PRKAG2: variants seen among roughly 807,000 people sequenced by gnomAD.
PRKAG2 encodes protein kinase AMP-activated non-catalytic subunit gamma 2.
PRKAG2 carries 26 observed loss-of-function variants against 69.6 expected under a neutral mutation model. The ratio of observed to expected loss-of-function variants is 0.37; its 90% confidence interval spans 0.27 to 0.52. The LOEUF is 0.52. Among genes scored for constraint, PRKAG2 ranks in the 20% least tolerant of loss-of-function variants. The pLI, the probability that PRKAG2 is intolerant of heterozygous loss-of-function variation, is 0.90. For missense variants in PRKAG2, 557 were observed against 740.0 expected, an observed-to-expected ratio of 0.75 and a Z score of 2.87; for synonymous variants, 293 against 285.0, an observed-to-expected ratio of 1.03 and a Z score of -0.28.
At chr7:151,697,601 T>C (rs1415038831) in intron 3 of PRKAG2, among the ~76,000 whole-genome samples, 2 of 152,048 alleles carry the variant, frequency 1.3e-5, no homozygotes, top group Admixed American at 1.3e-4. Context: ...CATGACAGGG[T>C]GCCTCCAATC....
chr7:151,776,064 A>T (rs1195878768), intron 3 of PRKAG2, among the ~76,000 whole-genome samples: 1 of 152,216 alleles, frequency 6.6e-6, no homozygotes, highest in African/African-American at 2.4e-5. Flanking sequence ...CACAGCACAG[A>T]GACCTGGAGC....
intron 4 of PRKAG2, among the ~76,000 whole-genome samples, chr7:151,672,073 C>T (rs1229603898): frequency 1.3e-5 from 2 of 149,450 alleles, no homozygotes; most frequent in African/African-American, 2.5e-5. Flanking sequence ...CCTGGGATTA[C>T]AGGCGTGAGC....
chr7:151,730,056 T>C (rs1260860168), intron 3 of PRKAG2, among the ~76,000 whole-genome samples: 1 of 152,172 alleles, frequency 6.6e-6, no homozygotes, highest in Non-Finnish European at 1.5e-5. Context: ...GAAGAGACAG[T>C]TTCAGCTGTG....
At chr7:151,645,145 G>A (rs117387311) in intron 4 of PRKAG2, among the ~76,000 whole-genome samples, 50 of 152,268 alleles carry the variant, frequency 3.3e-4, no homozygotes, top group Admixed American at 5.9e-4. Context: ...AGGACCTAGT[G>A]ACTTACTTCT....
intron 3 of PRKAG2, among the ~76,000 whole-genome samples, chr7:151,741,339 T>G (rs2073877038): frequency 6.6e-6 from 1 of 152,298 alleles, no homozygotes; most frequent in Admixed American, 6.5e-5. Context: ...AGGTTTTGTT[T>G]CAGCCAGTGT....
chr7:151,800,702 G>C (rs2077793786), intron 1 of PRKAG2, among the ~76,000 whole-genome samples: 1 of 152,216 alleles, frequency 6.6e-6, no homozygotes. Flanking sequence ...GTGCACAGGG[G>C]ATTTCTAGGG....
chr7:151,602,326 T>C (rs59950752), intron 5 of PRKAG2, among the ~76,000 whole-genome samples: 6,836 of 152,212 alleles, frequency 0.045, 496 homozygotes, highest in African/African-American at 0.16. Context: ...AGAAAGGAAA[T>C]CTCAGAAGAT....
chr7:151,821,663 A>C (rs1475525919), intron 1 of PRKAG2, among the ~76,000 whole-genome samples: 1 of 152,180 alleles, frequency 6.6e-6, no homozygotes, highest in Non-Finnish European at 1.5e-5. Flanking sequence ...AGTCCTCTCT[A>C]AGACACATTG....
chr7:151,628,070 C>G (rs1823451829), intron 5 of PRKAG2, among the ~76,000 whole-genome samples: 1 of 152,178 alleles, frequency 6.6e-6, no homozygotes. Flanking sequence ...GACAGTCAGT[C>G]TGGCAAGACA....
At chr7:151,689,577 G>A (rs1342759222) in intron 3 of PRKAG2, among the ~76,000 whole-genome samples, 4 of 152,194 alleles carry the variant, frequency 2.6e-5, no homozygotes, top group African/African-American at 9.6e-5. Context: ...CGGGGATGGG[G>A]AGACCGTCTG....
intron 4 of PRKAG2, among the ~76,000 whole-genome samples, chr7:151,665,059 G>A (rs898577233): frequency 1.3e-5 from 2 of 152,194 alleles, no homozygotes; most frequent in African/African-American, 2.4e-5. Context: ...TATTTCATCT[G>A]TTAGTTTTGC....
chr7:151,792,854 G>A (rs940136312), intron 1 of PRKAG2, among the ~76,000 whole-genome samples: 3 of 152,176 alleles, frequency 2.0e-5, no homozygotes, highest in Non-Finnish European at 4.4e-5. Flanking sequence ...TGGGCCTTGC[G>A]TCCGCCGAGG....
chr7:151,794,396 C>T (rs1421912975), intron 1 of PRKAG2, among the ~76,000 whole-genome samples: 1 of 152,270 alleles, frequency 6.6e-6, no homozygotes, highest in African/African-American at 2.4e-5. Flanking sequence ...CAGGAACCTC[C>T]ACTTTCCAGT....
chr7:151,589,839 G>A (rs1585079323), intron 6 of PRKAG2, among the ~76,000 whole-genome samples: 1 of 152,210 alleles, frequency 6.6e-6, no homozygotes, highest in Non-Finnish European at 1.5e-5. Flanking sequence ...GGTGGGTGAG[G>A]CACAAGAATT....
chr7:151,619,803 C>T (rs1821031582), intron 5 of PRKAG2, among the ~76,000 whole-genome samples: 1 of 152,054 alleles, frequency 6.6e-6, no homozygotes, highest in Non-Finnish European at 1.5e-5. Flanking sequence ...GGAGGATCAC[C>T]TGAGGTCAGG....
rs902270329 is a variant in PRKAG2, at chr7:151,651,811, A to C, written c.685-19673T>G. ...TAAGTGAAATAAGCCAAGCACGGAA[A>C]GACAAGTACTGCATGAGCTCACTTG... On this transcript the variant is annotated intron_variant, in intron 4 of 15. Coordinates refer to ENST00000287878, the MANE Select transcript of PRKAG2 (RefSeq NM_016203.4). 7.9e-5 allele frequency among the ~76,000 whole-genome samples: 12 copies of C among 152,314 alleles called. No homozygotes were observed. In the East Asian group the frequency reaches 2.1e-3, roughly 27 times the overall value.
At chr7:151,812,621 T>A (rs1483195132) in intron 1 of PRKAG2, among the ~76,000 whole-genome samples, 2 of 152,166 alleles carry the variant, frequency 1.3e-5, no homozygotes, top group Non-Finnish European at 2.9e-5. Context: ...GATGTTTAAT[T>A]TCACCCTGGG....
intron 1 of PRKAG2, among the ~76,000 whole-genome samples, chr7:151,791,338 C>T (rs2077265693): frequency 6.6e-6 from 1 of 152,216 alleles, no homozygotes; most frequent in Non-Finnish European, 1.5e-5. Context: ...AAGGCCCAGG[C>T]TCCTGGATGT....
Position 151,876,762 on chromosome 7 carries a change from G to A in PRKAG2, c.-142C>T, listed in dbSNP as rs2080415614. The A allele has an allele frequency of 9.8e-6, 8 of 819,204 alleles. No homozygotes were observed. The highest frequency in any genetic ancestry group is 1.5e-5 in the South Asian group (1 of 68,956). The allele number at this position is 819,204 out of a possible 1,614,324, so 50.7% of individuals were successfully genotyped here. ...TCGTGGGGACTTCCGCGGAGAGGGA[G>A]GGTGAGCAGGGAACTCGCGCGGCCG... is the stretch of plus-strand genomic sequence containing the variant. On this transcript the variant is annotated 5_prime_UTR_variant, in exon 1 of 16. Coordinates refer to ENST00000287878, the MANE Select transcript of PRKAG2 (RefSeq NM_016203.4).
Sources: gnomAD v4.1 joint callset for allele counts (sites outside exome capture counted in the v4.1 genomes callset) on GRCh38, gnomAD v4.1.1 for gene constraint, MANE v1.5 for transcripts, NCBI Gene and HGNC (gene_info 2026-07-23, HGNC 2026-07-21) for gene names.